Variants in NF1 observed in about 807,000 individuals in gnomAD.
NF1 encodes neurofibromin.
A neutral mutation model predicts 325.7 loss-of-function variants in NF1; 122 were observed. The ratio of observed to expected loss-of-function variants is 0.37; its 90% CI spans 0.32 to 0.44. NF1 has a LOEUF of 0.44. Among genes scored for constraint, NF1 ranks in the 20% least tolerant of loss-of-function variants. The pLI is 1.00. For missense variants in NF1, 2,140 were observed against 3,415.4 expected (o/e 0.63, Z 9.31); for synonymous variants, 1,091 against 1,186.0 (o/e 0.92, Z 1.65).
chr17:31,296,381 G>A (rs1290609183), intron 36 of NF1: 3 of 1,608,140 alleles, frequency 1.9e-6, no homozygotes, highest in African/African-American at 1.3e-5. Flanking sequence ...TGCAAATACA[G>A]TTTAGGCATC....
intron 27 of NF1, among the ~76,000 whole-genome samples, chr17:31,234,887 G>T (rs2067174799): frequency 6.6e-6 from 1 of 151,826 alleles, no homozygotes; most frequent in Admixed American, 6.6e-5. Flanking sequence ...TCTTTTTATG[G>T]CTACCCCTAT....
intron 8 of NF1, among the ~76,000 whole-genome samples, chr17:31,184,826 C>CT (rs1006976934): frequency 1.3e-5 from 2 of 152,092 alleles, no homozygotes; most frequent in African/African-American, 4.8e-5. Context: ...AACACAAACT[C>CT]TTATCATGCA....
chr17:31,159,129 A>G (rs1426682828), intron 3 of NF1, 36 bp downstream of exon 3: 3 of 1,411,880 alleles, frequency 2.1e-6, no homozygotes, highest in Admixed American at 3.4e-5. Context: ...AGGCTTTGTG[A>G]ATTTGATCTT....
In NF1 at chr17:31,205,886, T is replaced by C. The variant is rs17884301; in HGVS notation, c.1261-354T>C. 3.3e-5 allele frequency among the ~76,000 whole-genome samples: 5 copies of C among 151,888 alleles called. No homozygotes were observed. In the South Asian group the frequency reaches 6.2e-4, roughly 19 times the overall value. ...CCATGTATGCACGTGTGCCAGAAAT[T>C]GTAAAACATTAAACTTAAAAAAAAA... On this transcript the variant is annotated intron_variant, in intron 11 of 57. Transcript: ENST00000358273.
At chr17:31,328,656 A>G (rs895993221) in intron 38 of NF1, among the ~76,000 whole-genome samples, 1 of 151,990 alleles carries the variant, frequency 6.6e-6, no homozygotes, top group African/African-American at 2.4e-5. Flanking sequence ...TCTCCTTACC[A>G]AGTTAGGATA....
chr17:31,268,816 A>G (rs1162640485), intron 36 of NF1, among the ~76,000 whole-genome samples: 1 of 151,882 alleles, frequency 6.6e-6, no homozygotes, highest in Non-Finnish European at 1.5e-5. Flanking sequence ...TTCCTGCCTC[A>G]TACTCCCAAG....
At position 31,374,220 on chromosome 17, in the gene NF1, G is replaced by A. The variant is rs1381288410; in HGVS notation, c.*65G>A. 5.6e-6 allele frequency: 9 copies of A among 1,602,582 alleles called. No individual in the cohort carries two copies. The African/African-American group carries it at 1.1e-4, about 19-fold the overall frequency. On this transcript the variant is annotated 3_prime_UTR_variant, in exon 58 of 58. Transcript: ENST00000358273. ...GCTCTTCACTAGTGACCCCTTCCCT[G>A]TCCTTGCCCTTTCCCCCCATGTTGT...
intron 9 of NF1, 78 bp downstream of exon 9, chr17:31,200,673 A>G (rs181070186): frequency 2.7e-6 from 4 of 1,490,906 alleles, no homozygotes; most frequent in East Asian, 2.3e-5. Context: ...TATGTCAAAG[A>G]TAATTGCTAA....
chr17:31,204,692 C>T (rs17885719), intron 11 of NF1, among the ~76,000 whole-genome samples: 3,073 of 151,974 alleles, frequency 0.02, 100 homozygotes, highest in African/African-American at 0.071. Context: ...AAAAAAGACA[C>T]AGTAATTTGA....
At chr17:31,134,141 A>G (rs892923321) in intron 1 of NF1, among the ~76,000 whole-genome samples, 1 of 152,090 alleles carries the variant, frequency 6.6e-6, no homozygotes, top group Non-Finnish European at 1.5e-5. Flanking sequence ...AGCCTCCCCA[A>G]AGTGCTGGGA....
intron 29 of NF1, among the ~76,000 whole-genome samples, chr17:31,246,101 G>A (rs999463573): frequency 2.0e-5 from 3 of 152,180 alleles, no homozygotes; most frequent in African/African-American, 7.2e-5. Flanking sequence ...ATTGTATTGA[G>A]TACTTAGTGT....
chr17:31,352,539 G>A (rs2070177249), intron 51 of NF1, 125 bp downstream of exon 51: 2 of 841,506 alleles, frequency 2.4e-6, no homozygotes, highest in South Asian at 4.2e-5. Flanking sequence ...CAAAGTTTTT[G>A]ATGCCATTTA....
At chr17:31,228,427 G>A (rs1360635411) in intron 20 of NF1, among the ~76,000 whole-genome samples, 1 of 152,034 alleles carries the variant, frequency 6.6e-6, no homozygotes, top group Non-Finnish European at 1.5e-5. Flanking sequence ...AAAGCTTTTG[G>A]GGGGATAACT....
intron 36 of NF1, chr17:31,307,908 C>G: frequency 7.8e-7 from 1 of 1,289,202 alleles, no homozygotes. Context: ...ATCTAAACAG[C>G]ATATCATTGC....
intron 1 of NF1, among the ~76,000 whole-genome samples, chr17:31,100,701 C>T (rs933244661): frequency 1.3e-5 from 2 of 152,144 alleles, no homozygotes; most frequent in African/African-American, 2.4e-5. Context: ...TCCCAAGTAG[C>T]TGGGACTACA....
At chr17:31,313,782 T>G (rs1451164661) in intron 36 of NF1, among the ~76,000 whole-genome samples, 1 of 150,216 alleles carries the variant, frequency 6.7e-6, no homozygotes, top group Non-Finnish European at 1.5e-5. Context: ...TTAAAAGGTC[T>G]TATACAAACC....
intron 36 of NF1, among the ~76,000 whole-genome samples, chr17:31,313,722 ATGTGTGTGTGTGTGTGTGTGTGTGTG>A (rs60267436): frequency 7.2e-6 from 1 of 139,026 alleles, no homozygotes; most frequent in Admixed American, 7.3e-5. Flanking sequence ...AAAAAAAAAT[ATGTGTGTGTGTGTGTGTGTGTGTGTG>A]TGTGTGTGTG....
At chr17:31,116,354 G>T (rs1913910366) in intron 1 of NF1, among the ~76,000 whole-genome samples, 1 of 152,076 alleles carries the variant, frequency 6.6e-6, no homozygotes, top group African/African-American at 2.4e-5. Context: ...AATTGCCAGG[G>T]TTAGCAATTT....
At position 31,235,648 on chromosome 17, in the gene NF1, C is replaced by A; in HGVS notation, c.3746C>A (p.Ser1249Tyr). The change falls in exon 28 of 58, where the codon TCT becomes TAT. Residue 1249 changes from serine to tyrosine, a missense_variant. Physicochemically the swap from Ser to Tyr is moderately radical, Grantham distance 144. Transcript: ENST00000358273. ...CGAGTTCTGGTTACTCTGTTTGATT[C>A]TCGGCATTTACTCTACCAACTGCTC... ...LARVLVTLFDSRHLLYQLLWN... is the reference protein window; with the variant it reads ...LARVLVTLFDYRHLLYQLLWN... 6.2e-7 allele frequency: 1 copy of A among 1,614,114 alleles called. No individual in the cohort carries two copies. The highest frequency in any genetic ancestry group is 8.5e-7 in the Non-Finnish European group (1 of 1,180,016).
Sources: gnomAD v4.1 joint callset for allele counts (sites outside exome capture counted in the v4.1 genomes callset) on GRCh38, gnomAD v4.1.1 for gene constraint, MANE v1.5 for transcripts, NCBI Gene and HGNC (gene_info 2026-07-23, HGNC 2026-07-21) for gene names.